The following ERAP1 variants were observed in gnomAD, a reference collection of about 807,000 sequenced individuals.
The protein encoded by ERAP1 is adipocyte-derived leucine aminopeptidase.
In ERAP1, 86 loss-of-function variants were observed where a neutral mutation model predicts 103.7. That is an observed-to-expected ratio of 0.83 (90% CI 0.70 to 0.99). The LOEUF is 0.99. Ranked by LOEUF, ERAP1 falls within the 50% of genes least tolerant of loss-of-function variation. ERAP1 has a pLI of 0.00. For missense variants in ERAP1, 1,009 were observed against 1,128.4 expected, an observed-to-expected ratio of 0.89 and a Z score of 1.52; for synonymous variants, 398 against 402.4, an observed-to-expected ratio of 0.99 and a Z score of 0.13.
intron 4 of ERAP1, among the ~76,000 whole-genome samples, chr5:96,796,758 CCCAGGATGCAGGACTT>C (rs1304150115): frequency 1.3e-5 from 2 of 152,200 alleles, no homozygotes; most frequent in African/African-American, 2.4e-5. Flanking sequence ...TGAGAAGGTT[CCCAGGATGCAGGACTT>C]CCAGGATTTT....
rs773074441 is a variant in ERAP1 at position 96,803,633 on chromosome 5, G to T, written c.294C>A (p.His98Gln). ...QPTSTIILHS[H>Q]HLQISRATLR... ...GGGTGGCCCTAGATATCTGCAGGTG[G>T]TGACTATGCAGGATGATGGTGCTGG... Residue 98 changes from histidine (H) to glutamine (Q), a missense_variant, in exon 2 of 19, where the codon CAC becomes CAA. Around this residue, in one of 3 missense-constraint regions of ERAP1, gnomAD observed 392 missense variants for 455.2 expected, o/e 0.86. Transcript: ENST00000443439. The T allele has an allele frequency of 1.9e-6, 3 of 1,614,092 alleles. No individual in the cohort carries two copies. Among genetic ancestry groups the T allele is most frequent in the Non-Finnish European group, 2.5e-6 (3 of 1,180,048 alleles).
chr5:96,810,631 A>G (rs1400528191), upstream of ERAP1, among the ~76,000 whole-genome samples: 1 of 152,216 alleles, frequency 6.6e-6, no homozygotes, highest in Non-Finnish European at 1.5e-5. Flanking sequence ...GGTTGAGCCC[A>G]TCCATTGCAG....
rs764780446 is a variant in ERAP1 at position 96,793,385 on chromosome 5, T to C, written c.1188+15A>G. ...ACAAATTAACCTCAAATGTGAAGGA[T>C]AAATAACTACTTACAACTTTCAGTT... is the stretch of plus-strand genomic sequence containing the variant. On this transcript the variant is annotated intron_variant, in intron 7 of 18. Coordinates refer to ENST00000443439, the MANE Select transcript of ERAP1 (RefSeq NM_001040458.3). 1 of 1,568,262 alleles carries C rather than the reference T, an allele frequency of 6.4e-7. No individual in the cohort carries two copies. Among genetic ancestry groups the C allele is most frequent in the Admixed American group, 1.7e-5 (1 of 59,952 alleles).
the ERAP1 span, among the ~76,000 whole-genome samples, chr5:96,916,614 C>T: frequency 5.6e-3 from 855 of 151,772 alleles, 6 homozygotes; most frequent in South Asian, 0.026. Context: ...CAGGAGGCTG[C>T]CACCATGCCC....
chr5:96,765,108 C>G (rs1769384913), intron 19 of ERAP1: 1 of 694,960 alleles, frequency 1.4e-6, no homozygotes, highest in African/African-American at 1.8e-5. Context: ...CCCCAGATGT[C>G]TTTTTCTTCC....
At chr5:96,909,889 A>G in the ERAP1 span, 25 of 930,924 alleles carry the variant, frequency 2.7e-5, no homozygotes, top group Non-Finnish European at 3.5e-5. Flanking sequence ...TGGGCATTAC[A>G]AACCCTGTTT....
At chr5:96,875,410 C>T in the ERAP1 span, among the ~76,000 whole-genome samples, 823 of 151,754 alleles carry the variant, frequency 5.4e-3, 6 homozygotes, top group Non-Finnish European at 8.8e-3. Context: ...GTGGTGGATG[C>T]CTGTAGCCCC....
the ERAP1 span, among the ~76,000 whole-genome samples, chr5:96,874,991 T>C: frequency 3.3e-5 from 5 of 152,208 alleles, no homozygotes; most frequent in African/African-American, 1.2e-4. Flanking sequence ...AGTAGGCCAC[T>C]ATGGTTCCCA....
chr5:96,824,023 C>T, the ERAP1 span, among the ~76,000 whole-genome samples: 2 of 152,272 alleles, frequency 1.3e-5, no homozygotes, highest in South Asian at 2.1e-4. Flanking sequence ...TGCTGGGCAA[C>T]GTGATGATTC....
chr5:96,831,204 G>A, the ERAP1 span, among the ~76,000 whole-genome samples: 2 of 152,316 alleles, frequency 1.3e-5, no homozygotes, highest in African/African-American at 4.8e-5. Flanking sequence ...AGCAGGAGAA[G>A]AGAGAGGAGG....
the ERAP1 span, among the ~76,000 whole-genome samples, chr5:96,842,688 T>C: frequency 6.6e-6 from 1 of 152,202 alleles, no homozygotes; most frequent in African/African-American, 2.4e-5. Context: ...GTTCTTTTTC[T>C]GGTATATAGC....
chr5:96,872,594 G>A, the ERAP1 span, among the ~76,000 whole-genome samples: 1 of 152,032 alleles, frequency 6.6e-6, no homozygotes, highest in African/African-American at 2.4e-5. Flanking sequence ...GCAAGACTCT[G>A]TCCCAAAAAA....
At chr5:96,909,183 G>A in the ERAP1 span, 1 of 1,530,738 alleles carries the variant, frequency 6.5e-7, no homozygotes, top group Non-Finnish European at 9.0e-7. Context: ...GTCAGGCTCA[G>A]TTTGTTTTGT....
chr5:96,909,580 C>A, the ERAP1 span: 2 of 1,613,022 alleles, frequency 1.2e-6, no homozygotes, highest in Non-Finnish European at 1.7e-6. Context: ...TTTTCTGCAG[C>A]GTTACCTTCT....
the ERAP1 span, among the ~76,000 whole-genome samples, chr5:96,826,553 G>GA: frequency 6.6e-6 from 1 of 151,882 alleles, no homozygotes; most frequent in Non-Finnish European, 1.5e-5. Context: ...GGACTTTTTT[G>GA]AAAAAAGAGC....
chr5:96,771,720 T>G (rs1301115776), downstream of ERAP1: 3 of 1,528,236 alleles, frequency 2.0e-6, no homozygotes, highest in Non-Finnish European at 2.7e-6. Context: ...GGGTGTTTAT[T>G]TGTAAATGAA....
chr5:96,906,932 G>T, the ERAP1 span, among the ~76,000 whole-genome samples: 68 of 152,300 alleles, frequency 4.5e-4, no homozygotes, highest in African/African-American at 1.5e-3. Context: ...GGAGGCTGAG[G>T]CAGGAGAATC....
chr5:96,839,341 G>A, the ERAP1 span, among the ~76,000 whole-genome samples: 1 of 152,084 alleles, frequency 6.6e-6, no homozygotes, highest in South Asian at 2.1e-4. Flanking sequence ...GATAGCATGT[G>A]GCTCAAGATC....
chr5:96,848,326 C>T, the ERAP1 span, among the ~76,000 whole-genome samples: 1 of 152,186 alleles, frequency 6.6e-6, no homozygotes, highest in African/African-American at 2.4e-5. Flanking sequence ...ACTGGGATTA[C>T]AGGCATGAGC....
Sources: allele counts gnomAD v4.1 joint callset (sites outside exome capture counted in the v4.1 genomes callset), GRCh38; gene constraint gnomAD v4.1.1; regional missense constraint gnomAD v4.1.1; transcripts MANE v1.5; gene names NCBI Gene and HGNC (gene_info 2026-07-23, HGNC 2026-07-21).